The following ARHGAP24 variants were observed in gnomAD, a reference collection of about 807,000 sequenced individuals.
The protein encoded by ARHGAP24 is Rho GTPase activating protein 24, also known as rho GTPase-activating protein 24.
A neutral mutation model predicts 76.4 loss-of-function variants in ARHGAP24; 50 were observed. The observed-to-expected ratio is 0.65, with a 90% CI of 0.52 to 0.83. The LOEUF is 0.83. ARHGAP24 is among the 40% of genes least tolerant of loss of function. The probability of loss-of-function intolerance (pLI) is 0.00; values close to 1 mark genes in which losing one functional copy is unlikely to be tolerated. For synonymous variants in ARHGAP24, 345 were observed against 323.3 expected (o/e 1.07, Z -0.72); for missense variants, 930 against 914.2 (o/e 1.02, Z -0.22).
At chr4:85,588,548 A>G (rs975663326) in intron 2 of ARHGAP24, among the ~76,000 whole-genome samples, 13 of 152,174 alleles carry the variant, frequency 8.5e-5, no homozygotes, top group African/African-American at 2.7e-4. Context: ...ACCCTCTCAT[A>G]TAGCACATTG....
intron 3 of ARHGAP24, among the ~76,000 whole-genome samples, chr4:85,879,034 C>T (rs529946041): frequency 2.6e-5 from 4 of 152,282 alleles, no homozygotes; most frequent in African/African-American, 4.8e-5. Context: ...ATGTTACAAA[C>T]GATGGCTGCT....
At chr4:85,479,858 G>C (rs1722741943) in intron 1 of ARHGAP24, among the ~76,000 whole-genome samples, 1 of 152,156 alleles carries the variant, frequency 6.6e-6, no homozygotes, top group East Asian at 1.9e-4. Context: ...CTGCCAGTTA[G>C]CACGTGGATA....
intron 3 of ARHGAP24, among the ~76,000 whole-genome samples, chr4:85,834,561 G>A (rs985558218): frequency 6.6e-6 from 1 of 152,136 alleles, no homozygotes; most frequent in Non-Finnish European, 1.5e-5. Context: ...CCCATAAGGA[G>A]GATAGAGTGA....
At chr4:85,488,286 T>C (rs1213118348) in intron 1 of ARHGAP24, among the ~76,000 whole-genome samples, 1 of 152,054 alleles carries the variant, frequency 6.6e-6, no homozygotes, top group African/African-American at 2.4e-5. Context: ...GAGGTGTAAT[T>C]TAAATGTATA....
chr4:85,547,514 T>C (rs2110126679), intron 1 of ARHGAP24, among the ~76,000 whole-genome samples: 1 of 152,216 alleles, frequency 6.6e-6, no homozygotes, highest in Non-Finnish European at 1.5e-5. Flanking sequence ...CAGGTCACTG[T>C]AGTCTCGACC....
At chr4:85,758,962 G>A (rs771313070) in intron 3 of ARHGAP24, among the ~76,000 whole-genome samples, 6 of 151,972 alleles carry the variant, frequency 3.9e-5, no homozygotes, top group Admixed American at 1.3e-4. Context: ...CCTTTTTATC[G>A]TTACGCTACT....
At chr4:85,802,433 G>A (rs961593648) in intron 3 of ARHGAP24, among the ~76,000 whole-genome samples, 1 of 152,208 alleles carries the variant, frequency 6.6e-6, no homozygotes, top group Non-Finnish European at 1.5e-5. Flanking sequence ...CAACTGAAGA[G>A]TTAGGCTTAA....
intron 8 of ARHGAP24, among the ~76,000 whole-genome samples, chr4:85,980,614 C>T (rs965105718): frequency 6.6e-6 from 1 of 152,128 alleles, no homozygotes; most frequent in Admixed American, 6.6e-5. Flanking sequence ...ATACACTATT[C>T]CCTCTCCATT....
chr4:85,545,185 C>T (rs868350247), intron 1 of ARHGAP24, among the ~76,000 whole-genome samples: 3 of 152,000 alleles, frequency 2.0e-5, no homozygotes, highest in Non-Finnish European at 2.9e-5. Context: ...CTGCAACCTC[C>T]GCCTCGTGGG....
At chr4:85,857,093 C>T (rs974661127) in intron 3 of ARHGAP24, among the ~76,000 whole-genome samples, 3 of 152,130 alleles carry the variant, frequency 2.0e-5, no homozygotes, top group African/African-American at 7.2e-5. Context: ...TATACTCCTT[C>T]AAGAAATCAA....
intron 5 of ARHGAP24, among the ~76,000 whole-genome samples, chr4:85,971,491 G>T (rs1309711347): frequency 6.6e-6 from 1 of 151,692 alleles, no homozygotes; most frequent in Admixed American, 6.6e-5. Context: ...ATTTTTATGG[G>T]TACATAGTCG....
chr4:85,854,822 A>G (rs1322927605), intron 3 of ARHGAP24, among the ~76,000 whole-genome samples: 3 of 152,214 alleles, frequency 2.0e-5, no homozygotes, highest in Non-Finnish European at 2.9e-5. Context: ...ATACTCAACC[A>G]TGCTTGTCAT....
At position 85,716,141 on chromosome 4, in the gene ARHGAP24, TG is replaced by T. The variant is rs200534064; in HGVS notation, c.181-5743del. ...AACTAACAGAGCTATTACACATGCA[TG>T]TTTTTTTTCCAATCCAAATTCCAAA... On this transcript the variant is annotated intron_variant, in intron 2 of 9. Coordinates refer to ENST00000395184, the MANE Select transcript of ARHGAP24 (RefSeq NM_001025616.3). 5.2e-3 allele frequency among the ~76,000 whole-genome samples: 793 copies of T among 152,186 alleles called. 6 individuals are homozygous for T. The highest frequency in any genetic ancestry group is 0.018 in the African/African-American group (750 of 41,550).
rs531340700 is a variant in ARHGAP24, at chr4:85,629,430, T to C, written c.180+58709T>C. On this transcript the variant is annotated intron_variant, in intron 2 of 9. Coordinates refer to ENST00000395184, the MANE Select transcript of ARHGAP24 (RefSeq NM_001025616.3). ...AGTCTTCTGAATTTGACTATATTCATAAATTCATAGTGAATTTTATACTTA... is the reference window on the plus strand; with the variant it reads ...AGTCTTCTGAATTTGACTATATTCACAAATTCATAGTGAATTTTATACTTA... Among the ~76,000 whole-genome samples the C allele has an allele frequency of 2.6e-5, 4 of 152,322 alleles. No individual in the cohort carries two copies. The South Asian group carries it at 8.3e-4, about 32-fold the overall frequency.
At chr4:85,762,574 T>G (rs1726771814) in intron 3 of ARHGAP24, among the ~76,000 whole-genome samples, 1 of 152,140 alleles carries the variant, frequency 6.6e-6, no homozygotes, top group South Asian at 2.1e-4. Flanking sequence ...TTAAAACAAA[T>G]GTGTGAGAAA....
At chr4:85,784,642 A>G (rs557351101) in intron 3 of ARHGAP24, among the ~76,000 whole-genome samples, 3 of 152,154 alleles carry the variant, frequency 2.0e-5, no homozygotes, top group South Asian at 2.1e-4. Context: ...AATGCTGTCT[A>G]TGGTATTCCA....
chr4:85,627,087 T>A (rs776516870), intron 2 of ARHGAP24, among the ~76,000 whole-genome samples: 1 of 152,226 alleles, frequency 6.6e-6, no homozygotes, highest in African/African-American at 2.4e-5. Flanking sequence ...TCAGTCATTC[T>A]CTTTCCAGCT....
Position 85,523,196 on chromosome 4 carries a change from C to G in ARHGAP24, c.-20-47326C>G, listed in dbSNP as rs111296551. On this transcript the variant is annotated intron_variant, in intron 1 of 9. Coordinates refer to ENST00000395184, the MANE Select transcript of ARHGAP24 (RefSeq NM_001025616.3). The stretch of plus-strand genomic sequence containing the variant: ...GGCTTCTACTATTTAAGGATGCTTA[C>G]TACATGTCTAGCACTTTCCCTTGTG... Among the ~76,000 whole-genome samples, 1,484 of 152,316 alleles carry G rather than the reference C, an allele frequency of 9.7e-3. 14 individuals are homozygous for G. The highest frequency in any genetic ancestry group is 0.019 in the East Asian group (96 of 5,182).
intron 2 of ARHGAP24, among the ~76,000 whole-genome samples, chr4:85,683,118 G>GGGGGT (rs1723281212): frequency 1.1e-4 from 4 of 37,714 alleles, no homozygotes; most frequent in African/African-American, 3.8e-4. Flanking sequence ...GTGGGGGGGT[G>GGGGGT]GGGGGGGGGT....
Sources: gnomAD v4.1 joint callset for allele counts (sites outside exome capture counted in the v4.1 genomes callset) on GRCh38, gnomAD v4.1.1 for gene constraint, MANE v1.5 for transcripts, NCBI Gene and HGNC (gene_info 2026-07-23, HGNC 2026-07-21) for gene names.